PPP2R2B: variants seen among roughly 807,000 people sequenced by gnomAD.
PPP2R2B encodes the protein protein phosphatase 2 regulatory subunit Bbeta, also known as serine/threonine-protein phosphatase 2A 55 kDa regulatory subunit B beta isoform.
A neutral mutation model predicts 46.0 loss-of-function variants in PPP2R2B; 5 were observed. The observed-to-expected ratio is 0.11, with a 90% CI of 0.06 to 0.23. The LOEUF is 0.23. Among genes scored for constraint, PPP2R2B ranks in the 10% least tolerant of loss-of-function variants. The pLI is 1.00. For missense variants in PPP2R2B, 367 were observed against 575.0 expected, an observed-to-expected ratio of 0.64 and a Z score of 3.70; for synonymous variants, 215 against 206.7, an observed-to-expected ratio of 1.04 and a Z score of -0.34.
intron 1 of PPP2R2B, among the ~76,000 whole-genome samples, chr5:147,039,043 G>T (rs1400443012): frequency 6.6e-6 from 1 of 152,088 alleles, no homozygotes; most frequent in Non-Finnish European, 1.5e-5. Flanking sequence ...ATACTACATT[G>T]AATTTATTCC....
intron 7 of PPP2R2B, among the ~76,000 whole-genome samples, chr5:146,630,357 G>T (rs562109539): frequency 2.4e-4 from 36 of 152,248 alleles, no homozygotes; most frequent in Middle Eastern, 3.4e-3. Flanking sequence ...TCGGTTATTT[G>T]TACATTTGTG....
chr5:146,813,095 C>A (rs1402147893), intron 2 of PPP2R2B, among the ~76,000 whole-genome samples: 1 of 150,480 alleles, frequency 6.6e-6, no homozygotes, highest in Non-Finnish European at 1.5e-5. Flanking sequence ...ATATATATAT[C>A]TACATATACA....
chr5:146,857,185 T>C (rs72825203), intron 2 of PPP2R2B, among the ~76,000 whole-genome samples: 27,181 of 151,990 alleles, frequency 0.18, 2,907 homozygotes, highest in East Asian at 0.35. Context: ...TTCTATGCAA[T>C]AGGAACTATT....
chr5:146,585,068 C>T lies in PPP2R2B; in HGVS notation c.*4879G>A, dbSNP rs1770076878. ...AAAATGTTTACAGTATGCAAATATG[C>T]ACTTTCTCCTATGTGAGTGTCATCT... On this transcript the variant is annotated 3_prime_UTR_variant, in exon 10 of 10. Transcript: ENST00000394411. 6.6e-6 allele frequency: 1 copy of T among 152,146 alleles called. No homozygotes were observed. The highest frequency in any genetic ancestry group is 1.5e-5 in the Non-Finnish European group (1 of 68,032). The allele number at this position is 152,146 out of a possible 1,614,324, so 9.4% of individuals were successfully genotyped here. A position where few individuals can be genotyped will look rare whatever the true frequency, so the allele number is the denominator to read the frequency against.
intron 5 of PPP2R2B, among the ~76,000 whole-genome samples, chr5:146,671,623 T>G (rs896275497): frequency 2.6e-5 from 4 of 152,212 alleles, no homozygotes; most frequent in Admixed American, 1.3e-4. Context: ...AAGTACTGCA[T>G]GAAGCAGATA....
intron 1 of PPP2R2B, among the ~76,000 whole-genome samples, chr5:146,957,896 A>G (rs1416967305): frequency 6.6e-6 from 1 of 152,150 alleles, no homozygotes; most frequent in Non-Finnish European, 1.5e-5. Flanking sequence ...AACACAGGGA[A>G]TCCTGGAGGA....
At chr5:146,677,076 T>A (rs1777779724) in intron 5 of PPP2R2B, among the ~76,000 whole-genome samples, 1 of 152,142 alleles carries the variant, frequency 6.6e-6, no homozygotes, top group Non-Finnish European at 1.5e-5. Flanking sequence ...GCTTTGACGA[T>A]CTTATGTTTC....
At chr5:146,706,674 T>C (rs1779878684) in intron 2 of PPP2R2B, 5 of 865,624 alleles carry the variant, frequency 5.8e-6, no homozygotes, top group East Asian at 2.6e-5. Context: ...AGTCTCAGCC[T>C]GGAGCCAGCT....
At chr5:146,923,253 A>T (rs1763670355) in intron 1 of PPP2R2B, among the ~76,000 whole-genome samples, 1 of 152,158 alleles carries the variant, frequency 6.6e-6, no homozygotes, top group African/African-American at 2.4e-5. Flanking sequence ...TTCCAGAAAA[A>T]CAAGTATGAC....
chr5:146,615,307 T>A (rs375839852), intron 7 of PPP2R2B, among the ~76,000 whole-genome samples: 1 of 79,998 alleles, frequency 1.3e-5, no homozygotes. Context: ...AACAATGAGA[T>A]CACATGGACA....
intron 2 of PPP2R2B, among the ~76,000 whole-genome samples, chr5:146,831,652 G>A (rs776710857): frequency 5.3e-5 from 8 of 152,114 alleles, no homozygotes; most frequent in Admixed American, 1.3e-4. Flanking sequence ...TTAGCCAGGC[G>A]TGGTGGCACA....
At chr5:147,050,164 A>T (rs1325934032) in intron 1 of PPP2R2B, among the ~76,000 whole-genome samples, 1 of 152,202 alleles carries the variant, frequency 6.6e-6, no homozygotes, top group African/African-American at 2.4e-5. Context: ...CATAAAATTC[A>T]AAAAATATGT....
At chr5:146,820,499 C>A (rs992133684) in intron 2 of PPP2R2B, among the ~76,000 whole-genome samples, 5 of 152,136 alleles carry the variant, frequency 3.3e-5, no homozygotes, top group Admixed American at 2.0e-4. Context: ...CTTCAGAAAA[C>A]CTCCTGTGTT....
At chr5:147,071,637 AT>A (rs143497424) in intron 2 of PPP2R2B, among the ~76,000 whole-genome samples, 10 of 149,684 alleles carry the variant, frequency 6.7e-5, no homozygotes, top group African/African-American at 7.3e-5. Flanking sequence ...ACAAGACGAT[AT>A]TTTTTTTTTG....
At chr5:146,800,935 C>T (rs1205258440) in intron 2 of PPP2R2B, among the ~76,000 whole-genome samples, 4 of 152,100 alleles carry the variant, frequency 2.6e-5, no homozygotes. Context: ...CACACACACA[C>T]ACACACACAC....
chr5:146,603,863 G>A (rs1256842558), intron 7 of PPP2R2B, among the ~76,000 whole-genome samples: 1 of 152,122 alleles, frequency 6.6e-6, no homozygotes, highest in Non-Finnish European at 1.5e-5. Context: ...CTGAGATAGA[G>A]CTGCATTTTG....
At chr5:146,967,179 A>G (rs980684533) in intron 1 of PPP2R2B, among the ~76,000 whole-genome samples, 4 of 152,170 alleles carry the variant, frequency 2.6e-5, no homozygotes, top group African/African-American at 9.7e-5. Flanking sequence ...CATGGATAAA[A>G]AAGGGCTTTC....
intron 2 of PPP2R2B, among the ~76,000 whole-genome samples, chr5:146,861,923 A>C (rs995800500): frequency 2.0e-5 from 3 of 150,760 alleles, no homozygotes; most frequent in African/African-American, 7.3e-5. Context: ...CTTTCACATA[A>C]TTTTTCTTAT....
rs895460892 is a variant in PPP2R2B, at chr5:146,983,460, G to A, written c.79+72205C>T. On this transcript the variant is annotated intron_variant, in intron 1 of 8. Transcript: ENST00000336640. ...CTCCCAAAGTGCTGGGATTATAGGC[G>A]TGAGCCACTGCACCCGGCCCAGAGC... Among the ~76,000 whole-genome samples, 9 of 152,134 alleles carry A rather than the reference G, an allele frequency of 5.9e-5. No individual in the cohort carries two copies. The South Asian group carries it at 6.2e-4, about 10-fold the overall frequency.
Sources: allele counts gnomAD v4.1 joint callset (sites outside exome capture counted in the v4.1 genomes callset), GRCh38; gene constraint gnomAD v4.1.1; transcripts MANE v1.5; gene names NCBI Gene and HGNC (gene_info 2026-07-23, HGNC 2026-07-21).